Variants in MED25 observed in about 807,000 individuals in gnomAD.
The protein encoded by MED25 is mediator complex subunit 25.
A neutral mutation model predicts 89.4 loss-of-function variants in MED25; 62 were observed. That is an observed-to-expected ratio of 0.69 (90% CI 0.57 to 0.86). MED25 has a LOEUF of 0.86. Among genes scored for constraint, MED25 ranks in the 40% least tolerant of loss-of-function variants. MED25 has a pLI of 0.00. For synonymous variants in MED25, 449 were observed against 427.9 expected (o/e 1.05, Z -0.61); for missense variants, 905 against 1,005.2 (o/e 0.90, Z 1.35).
At position 49,828,542 on chromosome 19, in the gene MED25, G is replaced by C; in HGVS notation, c.399G>C (p.Glu133Asp). 1 of 1,612,546 alleles carries C rather than the reference G, an allele frequency of 6.2e-7. No homozygotes were observed. The highest frequency in any genetic ancestry group is 8.5e-7 in the Non-Finnish European group (1 of 1,178,572). Residue 133 changes from glutamate to aspartate, a missense_variant, in exon 4 of 18, where the codon GAG (glutamate) becomes GAC (aspartate). Glu to Asp is a conservative substitution (Grantham distance 45, BLOSUM62 2). Coordinates refer to ENST00000312865, the MANE Select transcript of MED25 (RefSeq NM_030973.4). ...QLFDDFKKMR[E>D]QIGQTHRVCL... ...TTGATGACTTCAAGAAGATGCGCGA[G>C]CAGATGTGAGTGCCCCCTCCACCCA... is the stretch of plus-strand genomic sequence containing the variant.
Position 49,834,578 on chromosome 19 carries a change from C to G in MED25, c.1483-408C>G. ...AGGGCTGGAGGATCTCTTGGATACCCGGGGTCCGACCCACCGTTGATCACA... is the reference window on the plus strand; with the variant it reads ...AGGGCTGGAGGATCTCTTGGATACCGGGGGTCCGACCCACCGTTGATCACA... On this transcript the variant is annotated intron_variant, in intron 13 of 17. Coordinates refer to ENST00000312865, the MANE Select transcript of MED25 (RefSeq NM_030973.4). This position sits in a 1 kb window ranked among gnomAD's most constrained non-coding sequence, Gnocchi z 4.1. 3.3e-6 allele frequency: 1 copy of G among 303,282 alleles called. No homozygotes were observed. 18.8% of individuals were successfully genotyped at this position (303,282 alleles called of 1,614,324 possible).
chr19:49,820,338 CAGTT>C (rs771463144), intron 3 of MED25, among the ~76,000 whole-genome samples: 6 of 152,166 alleles, frequency 3.9e-5, no homozygotes, highest in Non-Finnish European at 8.8e-5. Flanking sequence ...AGAACAAAAA[CAGTT>C]AATCAAATTG....
rs116437895 is a variant in MED25 at position 49,822,397 on chromosome 19, G to A, written c.305+3101G>A. Among the ~76,000 whole-genome samples, 1,480 of 151,898 alleles carry A rather than the reference G, an allele frequency of 9.7e-3. 23 individuals are homozygous for A. Among genetic ancestry groups the A allele is most frequent in the African/African-American group, 0.034 (1,401 of 41,388 alleles). On this transcript the variant is annotated intron_variant, in intron 3 of 17. Coordinates refer to ENST00000312865, the MANE Select transcript of MED25 (RefSeq NM_030973.4). ...GGAGGTGGAGAGATCGCACCACTGC[G>A]CTCCAGCTTGGGTGACTGACTGACT... is the stretch of plus-strand genomic sequence containing the variant.
downstream of MED25, among the ~76,000 whole-genome samples, chr19:49,837,872 C>T (rs1349484077): frequency 6.6e-6 from 1 of 152,160 alleles, no homozygotes; most frequent in Non-Finnish European, 1.5e-5. Flanking sequence ...AGAGACTGAC[C>T]TTCCAGGGCT....
At chr19:49,819,090 G>A in intron 2 of MED25, 82 bp from the exon 3 acceptor site, 1 of 1,550,996 alleles carries the variant, frequency 6.4e-7, no homozygotes, top group African/African-American at 1.4e-5. Context: ...GGAGGAACGG[G>A]AAGCTGGGAG....
At chr19:49,837,863 G>A (rs552745174), downstream of MED25, among the ~76,000 whole-genome samples, 1 of 152,338 alleles carries the variant, frequency 6.6e-6, no homozygotes, top group South Asian at 2.1e-4. Flanking sequence ...GTCCATGTCA[G>A]AGACTGACCT....
At chr19:49,828,853 G>T (rs973208926) in intron 4 of MED25, 117 bp from the exon 5 acceptor site, 1 of 1,540,910 alleles carries the variant, frequency 6.5e-7, no homozygotes, top group Non-Finnish European at 8.7e-7. Context: ...TAAAGTAGGG[G>T]CGTTGCTTCT....
At chr19:49,818,893 G>C (rs79974763) in intron 2 of MED25, 18,196 of 577,718 alleles carry the variant, frequency 0.031, 668 homozygotes, top group South Asian at 0.12. Context: ...CGTCTGGACT[G>C]CTGGGTCTGA....
At chr19:49,818,925 G>T in intron 2 of MED25, 2 of 551,110 alleles carry the variant, frequency 3.6e-6, no homozygotes, top group Non-Finnish European at 6.4e-6. Context: ...CTGAGGCCTG[G>T]ATTCCTGGGT....
Position 49,830,512 on chromosome 19 carries a change from T to C in MED25, c.821T>C (p.Val274Ala), listed in dbSNP as rs761571304. Residue 274 changes from valine (V) to alanine (A), a missense_variant and splice_region_variant, in exon 8 of 18, where the codon GTT (valine) becomes GCT (alanine). By Grantham distance (64) the Val-to-Ala change is moderately conservative. Transcript: ENST00000312865. This position sits in a 1 kb window ranked among gnomAD's most constrained non-coding sequence, Gnocchi z 4.6. ...TCCCTTCTTCCCTTCTACCCACAGGTTCCCGGGAACCTGAGTGCAGCTCAG... is the reference window on the plus strand; with the variant it reads ...TCCCTTCTTCCCTTCTACCCACAGGCTCCCGGGAACCTGAGTGCAGCTCAG... ...PLPPVPPQYQ[V>A]PGNLSAAQVA... 10 of 1,613,848 alleles carry C rather than the reference T, an allele frequency of 6.2e-6. No homozygotes were observed. The South Asian group carries it at 7.7e-5, about 12-fold the overall frequency.
chr19:49,836,999 G>T, downstream of MED25: 2 of 1,413,340 alleles, frequency 1.4e-6, no homozygotes, highest in South Asian at 1.2e-5. The surrounding 1 kb of genome is among the most constrained non-coding windows in gnomAD (Gnocchi z 5.1). Flanking sequence ...TCCCGTCACT[G>T]ACATCCCTCA....
intron 2 of MED25, chr19:49,818,877 G>C (rs2073959783): frequency 6.8e-6 from 4 of 588,920 alleles, no homozygotes; most frequent in Non-Finnish European, 1.2e-5. Context: ...GGGAGGAAGG[G>C]CTGGGCGTCT....
intron 3 of MED25, among the ~76,000 whole-genome samples, chr19:49,823,523 CG>C (rs202039560): frequency 0.033 from 5,032 of 152,166 alleles, 147 homozygotes; most frequent in Non-Finnish European, 0.043. Context: ...ATAATGGTCG[CG>C]TGTATCTCCG....
chr19:49,829,039 C>T lies in MED25; in HGVS notation c.474C>T (p.Ser158=). Residue 158 remains serine, a synonymous_variant, in exon 5 of 18, where the codon AGC becomes AGT. Coordinates refer to ENST00000312865, the MANE Select transcript of MED25 (RefSeq NM_030973.4). The surrounding 1 kb of genome is among the most constrained non-coding windows in gnomAD (Gnocchi z 4.6). ...SPPYLLPAVE[S]TTYSGCTTEN... Reference sequence around the variant, plus strand: ...CATACTTGTTGCCTGCTGTTGAGAGCACCACGTACTCTGGATGCACAACTG... The same window carrying T: ...CATACTTGTTGCCTGCTGTTGAGAGTACCACGTACTCTGGATGCACAACTG... 2 of 1,614,078 alleles carry T rather than the reference C, an allele frequency of 1.2e-6. No homozygotes were observed. Among genetic ancestry groups the T allele is most frequent in the Non-Finnish European group, 1.7e-6 (2 of 1,180,012 alleles).
At chr19:49,821,109 G>A (rs1041830447) in intron 3 of MED25, among the ~76,000 whole-genome samples, 37 of 152,298 alleles carry the variant, frequency 2.4e-4, no homozygotes, top group Non-Finnish European at 3.8e-4. Context: ...TCAGGAGGTC[G>A]GCAGGATTGC....
Position 49,830,337 on chromosome 19 carries a change from G to A in MED25, c.819+119G>A. The A allele has an allele frequency of 1.6e-6, 2 of 1,214,820 alleles. No homozygotes were observed. The highest frequency in any genetic ancestry group is 2.4e-6 in the Non-Finnish European group (2 of 847,798). 75.3% of individuals were successfully genotyped at this position (1,214,820 alleles called of 1,614,324 possible). A position where few individuals can be genotyped will look rare whatever the true frequency, so the allele number is the denominator to read the frequency against. On this transcript the variant is annotated intron_variant, in intron 7 of 17. Coordinates refer to ENST00000312865, the MANE Select transcript of MED25 (RefSeq NM_030973.4). This position sits in a 1 kb window ranked among gnomAD's most constrained non-coding sequence, Gnocchi z 4.6. ...ATGATGGGAGTCCCATGGGACATTG[G>A]GAAGGTGGGACTCTTGGGGCCATGG...
chr19:49,829,134 A>T lies in MED25; in HGVS notation c.525+44A>T. 1.3e-6 allele frequency: 2 copies of T among 1,574,410 alleles called. No individual in the cohort carries two copies. The highest frequency in any genetic ancestry group is 1.7e-6 in the Non-Finnish European group (2 of 1,152,610). On this transcript the variant is annotated intron_variant, in intron 5 of 17. Coordinates refer to ENST00000312865, the MANE Select transcript of MED25 (RefSeq NM_030973.4). This position sits in a 1 kb window ranked among gnomAD's most constrained non-coding sequence, Gnocchi z 4.6. ...GAGGGACGAGGGTCTGGGGGCCCGGAGTCTTGGGTCTGAGGCAGGAGGCAC... is the reference window on the plus strand; with the variant it reads ...GAGGGACGAGGGTCTGGGGGCCCGGTGTCTTGGGTCTGAGGCAGGAGGCAC...
chr19:49,831,480 C>T lies in MED25; in HGVS notation c.1230+19C>T. ...GCAAGAGGTGAGGGGCCTGAGGGTC[C>T]ATTGGGCACTTGGGACTCCTGGGGC... On this transcript the variant is annotated intron_variant, in intron 10 of 17. Transcript: ENST00000312865. The surrounding 1 kb of genome is among the most constrained non-coding windows in gnomAD (Gnocchi z 5.0). 6.2e-7 allele frequency: 1 copy of T among 1,609,390 alleles called. No individual in the cohort carries two copies. The highest frequency in any genetic ancestry group is 8.5e-7 in the Non-Finnish European group (1 of 1,177,570).
rs143046644 is a variant in MED25, at chr19:49,832,328, C to A, written c.1395C>A (p.Phe465Leu). 1.2e-6 allele frequency: 2 copies of A among 1,608,632 alleles called. No individual in the cohort carries two copies. Among genetic ancestry groups the A allele is most frequent in the African/African-American group, 1.3e-5 (1 of 74,858 alleles). ...CGCAGACCACCCTGGGCCCTTTGTTCCGGAACTCAAGGATGGTCCAGTTCC... is the reference window on the plus strand; with the variant it reads ...CGCAGACCACCCTGGGCCCTTTGTTACGGAACTCAAGGATGGTCCAGTTCC... ...QQLLTTLGPLFRNSRMVQFHF... is the reference protein window; with the variant it reads ...QQLLTTLGPLLRNSRMVQFHF... The change falls in exon 13 of 18, where the codon TTC (phenylalanine) becomes TTA (leucine). Residue 465 changes from phenylalanine to leucine, a missense_variant. Phe to Leu is a conservative substitution (Grantham distance 22). This residue lies in a region of MED25 where 133 missense variants were observed against 220.2 expected (regional missense o/e 0.60). Transcript: ENST00000312865.
Sources: allele counts gnomAD v4.1 joint callset (sites outside exome capture counted in the v4.1 genomes callset), GRCh38; gene constraint gnomAD v4.1.1; regional missense constraint gnomAD v4.1.1; non-coding constraint Gnocchi (gnomAD v3.1); transcripts MANE v1.5; gene names NCBI Gene and HGNC (gene_info 2026-07-23, HGNC 2026-07-21).